Variants in AKAP13 observed in about 807,000 individuals in gnomAD.
AKAP13 encodes the protein A-kinase anchor protein 13.
AKAP13 carries 80 observed loss-of-function variants against 264.5 expected under a neutral mutation model. That is an observed-to-expected ratio of 0.30 (90% CI 0.25 to 0.36). The LOEUF (loss-of-function observed/expected upper bound fraction) is 0.36, where lower values mean the gene tolerates loss of function less well. AKAP13 is among the 10% of genes least tolerant of loss of function. The probability of loss-of-function intolerance (pLI) is 1.00; values close to 1 mark genes in which losing one functional copy is unlikely to be tolerated. For synonymous variants in AKAP13, 1,380 were observed against 1,250.2 expected (o/e 1.10, Z -2.19); for missense variants, 3,712 against 3,435.2 (o/e 1.08, Z -2.01).
chr15:85,587,176 T>C (rs1036226956), intron 8 of AKAP13, among the ~76,000 whole-genome samples: 2 of 152,122 alleles, frequency 1.3e-5, no homozygotes, highest in Non-Finnish European at 2.9e-5. Flanking sequence ...CACTCTTCCC[T>C]CCCCCAGCTC....
At chr15:85,532,353 C>A (rs1384400338) in intron 3 of AKAP13, among the ~76,000 whole-genome samples, 1 of 152,244 alleles carries the variant, frequency 6.6e-6, no homozygotes, top group Non-Finnish European at 1.5e-5. Flanking sequence ...TCTGAAACCT[C>A]TGTTGGCCTG....
chr15:85,724,305 C>G lies in AKAP13; in HGVS notation c.6745+985C>G, dbSNP rs992411778. On this transcript the variant is annotated intron_variant, in intron 26 of 36. Transcript: ENST00000394518. This position sits in a 1 kb window ranked among gnomAD's most constrained non-coding sequence, Gnocchi z 4.2. The stretch of plus-strand genomic sequence containing the variant: ...GGACACCCTGCTTAGAAGTTGAAAT[C>G]AAAATGAAGAGCCTTGGAAAGAGAT... Among the ~76,000 whole-genome samples, 2 of 152,118 alleles carry G rather than the reference C, an allele frequency of 1.3e-5. No homozygotes were observed. The highest frequency in any genetic ancestry group is 4.8e-5 in the African/African-American group (2 of 41,424).
chr15:85,439,112 A>C (rs1343103092), intron 1 of AKAP13, among the ~76,000 whole-genome samples: 1 of 152,076 alleles, frequency 6.6e-6, no homozygotes, highest in South Asian at 2.1e-4. Context: ...GAACTCAAAC[A>C]AATTTACAAG....
intron 1 of AKAP13, among the ~76,000 whole-genome samples, chr15:85,398,511 C>T (rs2071231992): frequency 6.6e-6 from 1 of 152,154 alleles, no homozygotes; most frequent in African/African-American, 2.4e-5. Flanking sequence ...TACTCTTGAG[C>T]ATAAACAGGT....
intron 14 of AKAP13, among the ~76,000 whole-genome samples, chr15:85,670,424 G>C (rs953815834): frequency 2.6e-5 from 4 of 151,076 alleles, no homozygotes; most frequent in African/African-American, 9.8e-5. Context: ...TAGTATATAA[G>C]AGTACCTTAT....
chr15:85,438,841 G>A lies in AKAP13; in HGVS notation c.-11-46869G>A, dbSNP rs1234509343. 3.3e-5 allele frequency among the ~76,000 whole-genome samples: 5 copies of A among 151,118 alleles called. No homozygotes were observed. In the East Asian group the frequency reaches 5.9e-4, roughly 18 times the overall value. On this transcript the variant is annotated intron_variant, in intron 1 of 36. Coordinates refer to ENST00000394518, the MANE Select transcript of AKAP13 (RefSeq NM_007200.5). ...TTCAAGATGGATTAAAGATTTAAAC[G>A]TTAGACCTAAAACCATAAAAACCCT...
At chr15:85,441,204 CT>C (rs562404280) in intron 1 of AKAP13, among the ~76,000 whole-genome samples, 40 of 150,260 alleles carry the variant, frequency 2.7e-4, no homozygotes, top group Middle Eastern at 6.8e-3. Context: ...TATTTTTAAT[CT>C]TTTTTTTAAT....
chr15:85,728,030 G>A (rs1324932652), intron 29 of AKAP13, among the ~76,000 whole-genome samples: 1 of 152,160 alleles, frequency 6.6e-6, no homozygotes, highest in Non-Finnish European at 1.5e-5. Context: ...CCATTGTGCC[G>A]ATGAGACAGT....
At chr15:85,464,814 C>T (rs1006894432) in intron 1 of AKAP13, among the ~76,000 whole-genome samples, 7 of 152,156 alleles carry the variant, frequency 4.6e-5, no homozygotes, top group African/African-American at 7.2e-5. Flanking sequence ...TTGCTTACCC[C>T]GTCCCTTTTT....
At position 85,505,882 on chromosome 15, in the gene AKAP13, T is replaced by G. The variant is rs182406821; in HGVS notation, c.34-15546T>G. On this transcript the variant is annotated intron_variant, in intron 2 of 36. Coordinates refer to ENST00000394518, the MANE Select transcript of AKAP13 (RefSeq NM_007200.5). ...TTAGTCTTTTTGAATTTTAGTTATA[T>G]TTTAAGTGACTTCTTAAGGGCAACT... Among the ~76,000 whole-genome samples, 667 of 152,312 alleles carry G rather than the reference T, an allele frequency of 4.4e-3. 11 individuals are homozygous for G. Among genetic ancestry groups the G allele is most frequent in the African/African-American group, 0.015 (632 of 41,554 alleles).
In AKAP13 at chr15:85,580,345, T is replaced by G. The variant is rs146688021; in HGVS notation, c.2277T>G (p.Val759=). The stretch of plus-strand genomic sequence containing the variant: ...CTTTAACAAATATGCTTGAGGTGGT[T>G]TCACATCCACATCCAGTTGTCCCTA... ...DKPLTNMLEV[V]SHPHPVVPKM... The change falls in exon 7 of 37, where the codon GTT becomes GTG. Residue 759 remains valine (V), a synonymous_variant. Coordinates refer to ENST00000394518, the MANE Select transcript of AKAP13 (RefSeq NM_007200.5). The G allele has an allele frequency of 8.7e-6, 14 of 1,614,108 alleles. No homozygotes were observed. The African/African-American group carries it at 1.6e-4, about 18-fold the overall frequency.
chr15:85,565,473 A>C (rs1262701789), intron 5 of AKAP13, among the ~76,000 whole-genome samples: 4 of 152,196 alleles, frequency 2.6e-5, no homozygotes, highest in African/African-American at 9.7e-5. Flanking sequence ...ATCTTTGTTC[A>C]CATTTTTCAA....
intron 5 of AKAP13, among the ~76,000 whole-genome samples, chr15:85,549,788 C>T (rs1023978972): frequency 6.6e-6 from 1 of 152,136 alleles, no homozygotes; most frequent in African/African-American, 2.4e-5. Flanking sequence ...GGTTTCTAGT[C>T]TATATGTTTT....
At chr15:85,641,153 A>G (rs1251180386) in intron 9 of AKAP13, among the ~76,000 whole-genome samples, 1 of 151,936 alleles carries the variant, frequency 6.6e-6, no homozygotes, top group South Asian at 2.1e-4. Flanking sequence ...ACCAAATAAG[A>G]TATTGTCTTT....
chr15:85,524,043 G>T (rs1259213846), intron 3 of AKAP13, among the ~76,000 whole-genome samples: 2 of 152,214 alleles, frequency 1.3e-5, no homozygotes, highest in Non-Finnish European at 2.9e-5. Context: ...GGATAAATGT[G>T]CATGGTCTGT....
intron 5 of AKAP13, among the ~76,000 whole-genome samples, chr15:85,565,102 C>G (rs1327122295): frequency 6.6e-6 from 1 of 152,234 alleles, no homozygotes; most frequent in South Asian, 2.1e-4. Context: ...GTTTTGAAAT[C>G]GGGTTGAATG....
chr15:85,673,894 T>C (rs1438207764), intron 14 of AKAP13, among the ~76,000 whole-genome samples: 1 of 151,738 alleles, frequency 6.6e-6, no homozygotes, highest in Non-Finnish European at 1.5e-5. Context: ...GGTTTTACCA[T>C]GTTAGCCAGA....
chr15:85,420,686 A>G (rs1478500802), intron 1 of AKAP13, among the ~76,000 whole-genome samples: 5 of 152,152 alleles, frequency 3.3e-5, no homozygotes, highest in African/African-American at 4.8e-5. Flanking sequence ...AGAGCTAGCT[A>G]TTTTATGTAA....
chr15:85,415,096 A>G (rs2072177055), intron 1 of AKAP13: 2 of 618,532 alleles, frequency 3.2e-6, no homozygotes, highest in Admixed American at 2.9e-5. Flanking sequence ...AAAATTCATA[A>G]TTTTTCTATA....
Sources: gnomAD v4.1 joint callset for allele counts (sites outside exome capture counted in the v4.1 genomes callset) on GRCh38, gnomAD v4.1.1 for gene constraint, Gnocchi (gnomAD v3.1) non-coding constraint, MANE v1.5 for transcripts, NCBI Gene and HGNC (gene_info 2026-07-23, HGNC 2026-07-21) for gene names.